EIF5B: variants seen among roughly 807,000 people sequenced by gnomAD.
EIF5B encodes the protein eukaryotic translation initiation factor 5B, also known as eIF-5B.
In EIF5B, 47 loss-of-function variants were observed where a neutral mutation model predicts 147.5. The ratio of observed to expected loss-of-function variants is 0.32; its 90% CI spans 0.25 to 0.41. EIF5B has a LOEUF of 0.41. Among genes scored for constraint, EIF5B ranks in the 10% least tolerant of loss-of-function variants. EIF5B has a pLI of 1.00. For synonymous variants in EIF5B, 455 were observed against 456.2 expected (o/e 1.00, Z 0.03); for missense variants, 1,064 against 1,413.2 (o/e 0.75, Z 3.96).
chr2:99,360,562 C>G lies in EIF5B; in HGVS notation c.246+13C>G. On this transcript the variant is annotated intron_variant, in intron 3 of 23. Coordinates refer to ENST00000289371, the MANE Select transcript of EIF5B (RefSeq NM_015904.4). ...TGTTGCAGTGAAGGTGAAAGACAGA[C>G]CTTTGTTACCTATTCGTATTTCGTA... 6.2e-7 allele frequency: 1 copy of G among 1,602,650 alleles called. No individual in the cohort carries two copies. Among genetic ancestry groups the G allele is most frequent in the African/African-American group, 1.3e-5 (1 of 74,302 alleles).
intron 1 of EIF5B, among the ~76,000 whole-genome samples, chr2:99,355,846 C>T (rs564436028): frequency 1.3e-5 from 2 of 152,236 alleles, no homozygotes; most frequent in East Asian, 3.9e-4. Context: ...CTTCTGACCT[C>T]AGATGATCCA....
intron 4 of EIF5B, among the ~76,000 whole-genome samples, chr2:99,363,069 A>G (rs561744186): frequency 6.6e-6 from 1 of 152,210 alleles, no homozygotes; most frequent in Admixed American, 6.5e-5. Context: ...ACTTTTTTAA[A>G]TGCTAGCATA....
chr2:99,390,715 G>A lies in EIF5B; in HGVS notation c.2748+10G>A. ...GGAATTACGAGTGAAGGTATGCTGA[G>A]GTGGGAAGCATTGACACGTGGGGAC... On this transcript the variant is annotated intron_variant, in intron 17 of 23. Transcript: ENST00000289371. 6.3e-7 allele frequency: 1 copy of A among 1,593,688 alleles called. No individual in the cohort carries two copies. Among genetic ancestry groups the A allele is most frequent in the African/African-American group, 1.3e-5 (1 of 74,644 alleles).
At chr2:99,370,659 T>G (rs367745572) in intron 8 of EIF5B, among the ~76,000 whole-genome samples, 3 of 152,228 alleles carry the variant, frequency 2.0e-5, no homozygotes, top group South Asian at 2.1e-4. Flanking sequence ...AGATAACTTA[T>G]GCAGGCTTGT....
chr2:99,356,613 C>T (rs2105342176), intron 1 of EIF5B, among the ~76,000 whole-genome samples: 1 of 152,210 alleles, frequency 6.6e-6, no homozygotes, highest in East Asian at 1.9e-4. Context: ...ATAGACTCAA[C>T]ATTGTGTGTG....
At chr2:99,386,177 T>G (rs1412730802) in intron 14 of EIF5B, among the ~76,000 whole-genome samples, 1 of 152,210 alleles carries the variant, frequency 6.6e-6, no homozygotes. Flanking sequence ...CCTCCAGCAT[T>G]CTAGTAGGTG....
rs557993825 is a variant in EIF5B at position 99,346,179 on chromosome 2, G to A, written c.35+8590G>A. Among the ~76,000 whole-genome samples, 26 of 152,252 alleles carry A rather than the reference G, an allele frequency of 1.7e-4. 1 individual carries two copies. The South Asian group carries it at 4.4e-3, about 26-fold the overall frequency. Reference sequence around the variant, plus strand: ...TAATTAAGTTTGCCATCAAGAGAGCGTGCAGATTGGAAGGAATGGGAGTAT... The same window carrying A: ...TAATTAAGTTTGCCATCAAGAGAGCATGCAGATTGGAAGGAATGGGAGTAT... On this transcript the variant is annotated intron_variant, in intron 1 of 23. Coordinates refer to ENST00000289371, the MANE Select transcript of EIF5B (RefSeq NM_015904.4).
chr2:99,386,555 T>C (rs1674813143), intron 14 of EIF5B, among the ~76,000 whole-genome samples: 3 of 149,208 alleles, frequency 2.0e-5, no homozygotes, highest in South Asian at 4.3e-4. Context: ...TTGGAGACCA[T>C]CTCTTGCTGT....
intron 21 of EIF5B, among the ~76,000 whole-genome samples, chr2:99,395,222 G>A (rs1675017609): frequency 6.6e-6 from 1 of 152,216 alleles, no homozygotes; most frequent in African/African-American, 2.4e-5. Context: ...CGGGAAATAA[G>A]AGATTCTGTG....
At chr2:99,361,875 T>C (rs1299191843) in intron 4 of EIF5B, 55 bp downstream of exon 4, 2 of 1,437,834 alleles carry the variant, frequency 1.4e-6, no homozygotes, top group East Asian at 4.9e-5. Context: ...CAGTATAAGT[T>C]GTAATCATTG....
chr2:99,398,627 C>T (rs1243783991), intron 22 of EIF5B, 121 bp from the exon 23 acceptor site: 24 of 1,023,732 alleles, frequency 2.3e-5, no homozygotes, highest in African/African-American at 3.3e-5. Context: ...ATGAAAGGAT[C>T]GCACTGCCAT....
rs149867938 is a variant in EIF5B, at chr2:99,341,778, T to G, written c.35+4189T>G. 1.2e-4 allele frequency among the ~76,000 whole-genome samples: 18 copies of G among 152,350 alleles called. No individual in the cohort carries two copies. In the East Asian group the frequency reaches 3.5e-3, roughly 29 times the overall value. On this transcript the variant is annotated intron_variant, in intron 1 of 23. Transcript: ENST00000289371. ...CTTACACTATGATACATAACATTAT[T>G]AAATAACCATATTTTCAAAAATAGA... is the stretch of plus-strand genomic sequence containing the variant.
Position 99,376,450 on chromosome 2 carries a change from A to AGAG in EIF5B, c.1661_1663dup (p.Glu554dup). 1 of 1,594,352 alleles carries AGAG rather than the reference A, an allele frequency of 6.3e-7. No individual in the cohort carries two copies. The highest frequency in any genetic ancestry group is 8.6e-7 in the Non-Finnish European group (1 of 1,162,504). Reference sequence around the variant, plus strand: ...ATGAAGAAAGTGAAGAAGAGGAGGAAGAGGAGGGAGAAAGTGAAGGCAGTG... The same window carrying AGAG: ...ATGAAGAAAGTGAAGAAGAGGAGGAAGAGGAGGAGGGAGAAAGTGAAGGCAGTG... On this transcript the variant is annotated inframe_insertion, in exon 10 of 24. Transcript: ENST00000289371.
intron 12 of EIF5B, among the ~76,000 whole-genome samples, chr2:99,380,964 A>G (rs919582782): frequency 3.9e-5 from 6 of 152,162 alleles, no homozygotes; most frequent in African/African-American, 9.7e-5. Flanking sequence ...TGTCCCATTT[A>G]TTCTCGCATA....
chr2:99,359,208 A>C (rs990507244), intron 1 of EIF5B, among the ~76,000 whole-genome samples: 1 of 139,858 alleles, frequency 7.2e-6, no homozygotes, highest in African/African-American at 2.9e-5. Flanking sequence ...TTAAAATACA[A>C]AAAAAAAAAA....
chr2:99,358,657 G>A (rs962257514), intron 1 of EIF5B, among the ~76,000 whole-genome samples: 1 of 152,006 alleles, frequency 6.6e-6, no homozygotes, highest in East Asian at 1.9e-4. Context: ...ACATTTCTTG[G>A]GTGGTTCAGA....
intron 6 of EIF5B, among the ~76,000 whole-genome samples, chr2:99,366,654 G>T (rs1017587531): frequency 6.6e-6 from 1 of 152,206 alleles, no homozygotes; most frequent in Non-Finnish European, 1.5e-5. Context: ...GTGAGAGACT[G>T]AGTCAGTAAT....
At position 99,396,915 on chromosome 2, in the gene EIF5B, C is replaced by T. The variant is rs770526015; in HGVS notation, c.3393+17C>T. Reference sequence around the variant, plus strand: ...AGCAAAAATGTAAGTTCTAGTTGTACATTCTGTGGGTCATTTCTTAAAGCA... The same window carrying T: ...AGCAAAAATGTAAGTTCTAGTTGTATATTCTGTGGGTCATTTCTTAAAGCA... On this transcript the variant is annotated intron_variant, in intron 22 of 23. Transcript: ENST00000289371. 5.0e-6 allele frequency: 8 copies of T among 1,587,424 alleles called. No individual in the cohort carries two copies. The highest frequency in any genetic ancestry group is 1.9e-5 in the Admixed American group (1 of 52,898).
At chr2:99,349,091 A>G (rs1276715520) in intron 1 of EIF5B, among the ~76,000 whole-genome samples, 1 of 152,242 alleles carries the variant, frequency 6.6e-6, no homozygotes, top group Admixed American at 6.5e-5. Flanking sequence ...GGAAGCTGCC[A>G]GGTTAAGGCC....
Sources: allele counts gnomAD v4.1 joint callset (sites outside exome capture counted in the v4.1 genomes callset), GRCh38; gene constraint gnomAD v4.1.1; transcripts MANE v1.5; gene names NCBI Gene and HGNC (gene_info 2026-07-23, HGNC 2026-07-21).